LMF1: variants seen among roughly 807,000 people sequenced by gnomAD.
The protein encoded by LMF1 is transmembrane protein 112.
In LMF1, 68 loss-of-function variants were observed where a neutral mutation model predicts 60.6. The observed-to-expected ratio is 1.12, with a 90% CI of 0.92 to 1.37. The LOEUF is 1.37. Ranked by LOEUF, LMF1 falls within the 40% of genes most tolerant of loss-of-function variation. LMF1 has a pLI of 0.00. For missense variants in LMF1, 948 were observed against 767.2 expected (o/e 1.24, Z -2.78); for synonymous variants, 418 against 324.7 (o/e 1.29, Z -3.09).
chr16:909,370 G>A lies in LMF1; in HGVS notation c.663+1561C>T, dbSNP rs112278574. ...TACGATGCAGGGAACACACGGTGAGGAATGGGCCCAGACAGCCCCTCACAG... is the reference window on the plus strand; with the variant it reads ...TACGATGCAGGGAACACACGGTGAGAAATGGGCCCAGACAGCCCCTCACAG... On this transcript the variant is annotated intron_variant, in intron 4 of 10. Transcript: ENST00000262301. Among the ~76,000 whole-genome samples the A allele has an allele frequency of 5.6e-3, 854 of 152,268 alleles. 9 individuals are homozygous for A. Among genetic ancestry groups the A allele is most frequent in the Non-Finnish European group, 8.9e-3 (603 of 68,024 alleles).
intron 3 of LMF1, among the ~76,000 whole-genome samples, chr16:916,331 T>C (rs2071277607): frequency 6.6e-6 from 1 of 152,184 alleles, no homozygotes; most frequent in South Asian, 2.1e-4. Context: ...AGCAAAGCGC[T>C]TCCATCTTGA....
intron 1 of LMF1, chr16:968,704 A>G (rs754418226): frequency 2.0e-5 from 3 of 152,258 alleles, no homozygotes; most frequent in Non-Finnish European, 4.4e-5. Flanking sequence ...GTCAAGGAGA[A>G]ATGTTCAATG....
chr16:915,679 C>T (rs12596143), intron 3 of LMF1, among the ~76,000 whole-genome samples: 47,973 of 152,110 alleles, frequency 0.32, 9,661 homozygotes, highest in African/African-American at 0.55. Flanking sequence ...GGGTGCAGTG[C>T]TGGCCAGGCA....
rs1326031348 is a variant in LMF1 at position 874,060 on chromosome 16, T to C, written c.898-2719A>G. Among the ~76,000 whole-genome samples, 2 of 152,112 alleles carry C rather than the reference T, an allele frequency of 1.3e-5. No homozygotes were observed. Among genetic ancestry groups the C allele is most frequent in the African/African-American group, 4.8e-5 (2 of 41,420 alleles). On this transcript the variant is annotated intron_variant, in intron 6 of 10. Coordinates refer to ENST00000262301, the MANE Select transcript of LMF1 (RefSeq NM_022773.4). This position sits in a 1 kb window ranked among gnomAD's most constrained non-coding sequence, Gnocchi z 4.1. ...CCGGCGGCGGGTGTGAGGGTCTCCTTTGCCGGGTGTGGGGGGGGTATGGGA... is the reference window on the plus strand; with the variant it reads ...CCGGCGGCGGGTGTGAGGGTCTCCTCTGCCGGGTGTGGGGGGGGTATGGGA...
chr16:954,971 T>TCTAAGCGAACACACACAC (rs2072641607), intron 1 of LMF1, among the ~76,000 whole-genome samples: 1 of 84,066 alleles, frequency 1.2e-5, no homozygotes, highest in African/African-American at 6.2e-5. Context: ...CACACACACA[T>TCTAAGCGAACACACACAC]ATCTAAGTGA....
At chr16:967,734 G>A (rs922661160) in intron 1 of LMF1, among the ~76,000 whole-genome samples, 5 of 152,194 alleles carry the variant, frequency 3.3e-5, no homozygotes, top group Non-Finnish European at 7.3e-5. Flanking sequence ...GATGTGAACC[G>A]GGTGTCCAGG....
Position 868,970 on chromosome 16 carries a change from G to A in LMF1, c.1503C>T (p.Asn501=). ...DAEALSLLAH[N]PFAGRPPPRW... is the part of the protein sequence containing the mutation. ...TGGGCGGGGGCCTGCCCGCGAAGGG[G>A]TTGTGTGCCAGCAGGGACAAGGCCT... is the stretch of plus-strand genomic sequence containing the variant. Residue 501 remains asparagine (N), a synonymous_variant, in exon 10 of 11, where the codon AAC becomes AAT. Transcript: ENST00000262301. 1 of 1,612,012 alleles carries A rather than the reference G, an allele frequency of 6.2e-7. No homozygotes were observed. The highest frequency in any genetic ancestry group is 1.7e-5 in the Admixed American group (1 of 60,020).
intron 5 of LMF1, among the ~76,000 whole-genome samples, chr16:888,348 T>A (rs2070373907): frequency 6.6e-6 from 1 of 152,076 alleles, no homozygotes; most frequent in African/African-American, 2.4e-5. Flanking sequence ...AGCAACAGAG[T>A]TATGTTCAAC....
At chr16:858,951 C>T (rs1325014523) in intron 10 of LMF1, among the ~76,000 whole-genome samples, 1 of 75,584 alleles carries the variant, frequency 1.3e-5, no homozygotes, top group South Asian at 6.0e-4. Flanking sequence ...AGTGGTGTCA[C>T]GGGACGGGTG....
At chr16:861,364 T>G (rs2069461180) in intron 10 of LMF1, among the ~76,000 whole-genome samples, 1 of 146,818 alleles carries the variant, frequency 6.8e-6, no homozygotes, top group African/African-American at 2.5e-5. Flanking sequence ...CTTTTTTTTT[T>G]TTTTTTTTTT....
At chr16:875,726 G>C (rs1228183514) in intron 6 of LMF1, among the ~76,000 whole-genome samples, 2 of 152,140 alleles carry the variant, frequency 1.3e-5, no homozygotes, top group Non-Finnish European at 2.9e-5. Context: ...GTGTGTCCAG[G>C]GGTGCCCTTG....
At chr16:926,660 C>T (rs1246961867) in intron 3 of LMF1, among the ~76,000 whole-genome samples, 1 of 152,246 alleles carries the variant, frequency 6.6e-6, no homozygotes, top group Non-Finnish European at 1.5e-5. Flanking sequence ...GCCACCAAAG[C>T]TGCGCACGCA....
chr16:952,913 A>G (rs372087060), intron 2 of LMF1, among the ~76,000 whole-genome samples: 84 of 108,202 alleles, frequency 7.8e-4, no homozygotes, highest in African/African-American at 1.3e-3. Flanking sequence ...CCAGCCTCCT[A>G]CACGTCCACA....
At chr16:920,486 C>G (rs2071403309) in intron 3 of LMF1, among the ~76,000 whole-genome samples, 1 of 152,142 alleles carries the variant, frequency 6.6e-6, no homozygotes, top group East Asian at 1.9e-4. Context: ...CTGAGCTCAG[C>G]AGCAGAGTGA....
intron 2 of LMF1, among the ~76,000 whole-genome samples, chr16:947,197 C>A (rs2072258066): frequency 6.6e-6 from 1 of 152,264 alleles, no homozygotes; most frequent in South Asian, 2.1e-4. Context: ...ACCCCTCCCA[C>A]CACGGGGTCC....
chr16:869,256 G>A lies in LMF1; in HGVS notation c.1417-200C>T, dbSNP rs959803743. On this transcript the variant is annotated intron_variant, in intron 9 of 10. Transcript: ENST00000262301. ...TGTAGCCCTGACCACTCATTCCCATGTCGGCCGCTGGCTTCGCTCCCCTGG... is the reference window on the plus strand; with the variant it reads ...TGTAGCCCTGACCACTCATTCCCATATCGGCCGCTGGCTTCGCTCCCCTGG... 10 of 667,360 alleles carry A rather than the reference G, an allele frequency of 1.5e-5. No homozygotes were observed. In the South Asian group the frequency reaches 1.6e-4, roughly 11 times the overall value. 41.3% of individuals were successfully genotyped at this position (667,360 alleles called of 1,614,324 possible).
intron 3 of LMF1, among the ~76,000 whole-genome samples, chr16:913,402 A>G (rs1470487592): frequency 2.0e-5 from 3 of 152,260 alleles, no homozygotes; most frequent in Non-Finnish European, 4.4e-5. Context: ...CTGCATGTGC[A>G]CGGTCCAGGG....
At chr16:918,816 G>A (rs1045186936) in intron 3 of LMF1, among the ~76,000 whole-genome samples, 1 of 150,748 alleles carries the variant, frequency 6.6e-6, no homozygotes, top group Non-Finnish European at 1.5e-5. Flanking sequence ...GGCGCACCCC[G>A]ACTCTCACGC....
intron 5 of LMF1, 51 bp downstream of exon 5, chr16:892,955 CG>C: frequency 7.1e-7 from 1 of 1,407,514 alleles, no homozygotes; most frequent in Non-Finnish European, 9.7e-7. Flanking sequence ...AGAGTGGGAA[CG>C]GGGCGGCGTG....
Sources: gnomAD v4.1 joint callset for allele counts (sites outside exome capture counted in the v4.1 genomes callset) on GRCh38, gnomAD v4.1.1 for gene constraint, Gnocchi (gnomAD v3.1) non-coding constraint, MANE v1.5 for transcripts, NCBI Gene and HGNC (gene_info 2026-07-23, HGNC 2026-07-21) for gene names.